BCAS3: variants seen among roughly 807,000 people sequenced by gnomAD.
BCAS3 encodes the protein BCAS3 microtubule associated cell migration factor, also known as BCAS4/BCAS3 fusion.
BCAS3 carries 53 observed loss-of-function variants against 116.1 expected under a neutral mutation model. The observed-to-expected ratio is 0.46, with a 90% CI of 0.37 to 0.57. BCAS3 has a LOEUF of 0.57. BCAS3 is among the 20% of genes least tolerant of loss of function. BCAS3 has a pLI of 0.00. For synonymous variants in BCAS3, 391 were observed against 408.2 expected (o/e 0.96, Z 0.51); for missense variants, 917 against 1,165.4 (o/e 0.79, Z 3.10).
At chr17:60,991,174 T>C (rs2063501858) in intron 15 of BCAS3, among the ~76,000 whole-genome samples, 1 of 152,224 alleles carries the variant, frequency 6.6e-6, no homozygotes, top group Non-Finnish European at 1.5e-5. Context: ...CCTTAAACAC[T>C]ATTGTTTCCA....
intron 22 of BCAS3, among the ~76,000 whole-genome samples, chr17:61,111,039 G>T (rs1365951309): frequency 6.6e-6 from 1 of 151,346 alleles, no homozygotes; most frequent in African/African-American, 2.4e-5. Flanking sequence ...TCTGTTAGAA[G>T]GAAAACTAAC....
At chr17:61,359,194 C>A (rs1441059272) in intron 22 of BCAS3, among the ~76,000 whole-genome samples, 1 of 152,152 alleles carries the variant, frequency 6.6e-6, no homozygotes, top group Non-Finnish European at 1.5e-5. Context: ...ACTCTCTTAG[C>A]CTTTCATAGA....
intron 6 of BCAS3, among the ~76,000 whole-genome samples, chr17:60,764,159 A>AT (rs151033791): frequency 0.23 from 33,895 of 146,958 alleles, 6,982 homozygotes; most frequent in African/African-American, 0.56. Context: ...GGATTCATTG[A>AT]TTTTTTTTTT....
chr17:60,814,306 T>TGCGCGCGCGTGTGCGC (rs1555731469), intron 7 of BCAS3, among the ~76,000 whole-genome samples: 2 of 148,198 alleles, frequency 1.3e-5, no homozygotes, highest in African/African-American at 2.5e-5. Flanking sequence ...TGTGTGTGTG[T>TGCGCGCGCGTGTGCGC]GCGCGCGTGC....
At chr17:60,721,217 A>C (rs1449513002) in intron 5 of BCAS3, among the ~76,000 whole-genome samples, 1 of 151,924 alleles carries the variant, frequency 6.6e-6, no homozygotes, top group Admixed American at 6.6e-5. Context: ...AAGCAGAGAG[A>C]GGTTGAATAT....
intron 22 of BCAS3, among the ~76,000 whole-genome samples, chr17:61,230,918 A>C (rs547968629): frequency 6.7e-6 from 1 of 148,736 alleles, no homozygotes; most frequent in African/African-American, 2.5e-5. Context: ...GTGTATAAGC[A>C]TTCCCTTTTC....
chr17:60,987,659 C>T (rs2063231464), intron 14 of BCAS3, among the ~76,000 whole-genome samples: 1 of 152,014 alleles, frequency 6.6e-6, no homozygotes, highest in Non-Finnish European at 1.5e-5. Flanking sequence ...AGAAATGCTA[C>T]TGATTGTTGT....
intron 22 of BCAS3, among the ~76,000 whole-genome samples, chr17:61,160,671 C>G (rs1254455922): frequency 6.6e-6 from 1 of 152,150 alleles, no homozygotes; most frequent in Non-Finnish European, 1.5e-5. Context: ...TTTTTACCAT[C>G]TATGCCTCCA....
chr17:60,760,489 GTTTT>G (rs376725665), intron 6 of BCAS3, among the ~76,000 whole-genome samples: 9 of 144,384 alleles, frequency 6.2e-5, no homozygotes, highest in Non-Finnish European at 1.3e-4. Context: ...TGGGTGACAG[GTTTT>G]TTTGTTTTTT....
In BCAS3 at chr17:60,990,164, C is replaced by G; in HGVS notation, c.1415C>G (p.Thr472Arg). 6.2e-7 allele frequency: 1 copy of G among 1,614,172 alleles called. No homozygotes were observed. The highest frequency in any genetic ancestry group is 8.5e-7 in the Non-Finnish European group (1 of 1,180,022). The change falls in exon 15 of 24, where the codon ACG becomes AGG. Residue 472 changes from threonine to arginine, a missense_variant. This residue lies in a region of BCAS3 where 807 missense variants were observed against 1,026.0 expected (regional missense o/e 0.79). Transcript: ENST00000407086. This position sits in a 1 kb window ranked among gnomAD's most constrained non-coding sequence, Gnocchi z 5.1. Reference sequence around the variant, plus strand: ...CTGGAAGAGATTGAACAAGAACTGACGTCTAAGCAAGGAGGTCGCTGTAGC... The same window carrying G: ...CTGGAAGAGATTGAACAAGAACTGAGGTCTAAGCAAGGAGGTCGCTGTAGC... ...AGLEEIEQEL[T>R]SKQGGRCSPV... is the part of the protein sequence containing the mutation.
At chr17:60,800,515 T>C (rs2047676679) in intron 6 of BCAS3, among the ~76,000 whole-genome samples, 1 of 152,212 alleles carries the variant, frequency 6.6e-6, no homozygotes, top group Non-Finnish European at 1.5e-5. Flanking sequence ...TTTTTGCAAG[T>C]ATTTTTTCAA....
At chr17:61,080,739 AAC>A (rs1467048245) in intron 21 of BCAS3, among the ~76,000 whole-genome samples, 3 of 152,246 alleles carry the variant, frequency 2.0e-5, no homozygotes, top group Admixed American at 2.0e-4. Flanking sequence ...TAGCCTGGGC[AAC>A]AGAGTGAGAC....
At chr17:61,305,002 C>A (rs1222393488) in intron 22 of BCAS3, among the ~76,000 whole-genome samples, 2 of 152,182 alleles carry the variant, frequency 1.3e-5, no homozygotes, top group Non-Finnish European at 2.9e-5. Context: ...GGTGATCCGC[C>A]CGCCTCGGCC....
At chr17:61,272,048 A>C (rs1340333487) in intron 22 of BCAS3, among the ~76,000 whole-genome samples, 1 of 152,046 alleles carries the variant, frequency 6.6e-6, no homozygotes, top group African/African-American at 2.4e-5. Flanking sequence ...GGCCTCAAGC[A>C]GTCCTCCCAC....
At chr17:61,090,545 A>G (rs1162341779) in intron 22 of BCAS3, among the ~76,000 whole-genome samples, 1 of 152,278 alleles carries the variant, frequency 6.6e-6, no homozygotes, top group Non-Finnish European at 1.5e-5. Flanking sequence ...TAAAATCAAA[A>G]GTAAGTTTTA....
At chr17:60,912,155 A>G (rs1341705957) in intron 12 of BCAS3, among the ~76,000 whole-genome samples, 4 of 152,190 alleles carry the variant, frequency 2.6e-5, no homozygotes, top group South Asian at 2.1e-4. Context: ...TAATTTTTTT[A>G]TTCTGATAGT....
At chr17:61,330,575 T>C (rs1333279430) in intron 22 of BCAS3, among the ~76,000 whole-genome samples, 5 of 152,186 alleles carry the variant, frequency 3.3e-5, no homozygotes, top group East Asian at 3.9e-4. Flanking sequence ...ACTAAGTCCA[T>C]GATGAAGCTG....
intron 22 of BCAS3, among the ~76,000 whole-genome samples, chr17:61,236,537 G>A (rs2083075560): frequency 6.6e-6 from 1 of 152,022 alleles, no homozygotes; most frequent in African/African-American, 2.4e-5. Context: ...AGCCAGGGTG[G>A]TCTCGATCTC....
chr17:60,702,611 A>G (rs1452949657), intron 4 of BCAS3, among the ~76,000 whole-genome samples: 1 of 151,992 alleles, frequency 6.6e-6, no homozygotes, highest in Non-Finnish European at 1.5e-5. Context: ...TTTCTTTGAG[A>G]CAGCGTCTTC....
Sources: gnomAD v4.1 joint callset for allele counts (sites outside exome capture counted in the v4.1 genomes callset) on GRCh38, gnomAD v4.1.1 for gene constraint, gnomAD v4.1.1 regional missense constraint, Gnocchi (gnomAD v3.1) non-coding constraint, MANE v1.5 for transcripts, NCBI Gene and HGNC (gene_info 2026-07-23, HGNC 2026-07-21) for gene names.